PPP1R42: variants seen among roughly 807,000 people sequenced by gnomAD.
PPP1R42 encodes protein phosphatase 1 regulatory subunit 42.
Under a neutral mutation model 31.0 loss-of-function variants are expected in PPP1R42, and 34 were observed. That is an observed-to-expected ratio of 1.10 (90% CI 0.83 to 1.46). PPP1R42 has a LOEUF of 1.46. PPP1R42 is among the 40% of genes most tolerant of loss of function. The probability of loss-of-function intolerance (pLI) is 0.00; values close to 1 mark genes in which losing one functional copy is unlikely to be tolerated. For synonymous variants in PPP1R42, 103 were observed against 109.8 expected (o/e 0.94, Z 0.39); for missense variants, 268 against 303.0 (o/e 0.88, Z 0.86).
At chr8:66,973,718 T>G (rs1264137626) in intron 7 of PPP1R42, among the ~76,000 whole-genome samples, 5 of 152,208 alleles carry the variant, frequency 3.3e-5, no homozygotes, top group Non-Finnish European at 5.9e-5. Context: ...TGGCCGAAAC[T>G]TTATGCCCAT....
intron 2 of PPP1R42, 116 bp from the exon 3 acceptor site, chr8:67,014,708 G>T (rs1049414136): frequency 4.7e-6 from 3 of 634,546 alleles, no homozygotes; most frequent in Admixed American, 7.3e-5. Flanking sequence ...TAATATAAAA[G>T]AACAGTATTT....
chr8:66,994,353 C>T (rs993424873), intron 5 of PPP1R42, among the ~76,000 whole-genome samples: 1 of 152,132 alleles, frequency 6.6e-6, no homozygotes, highest in African/African-American at 2.4e-5. Context: ...GCTTATATTT[C>T]CTGGAAACCC....
Position 66,988,518 on chromosome 8 carries a change from C to T in PPP1R42, c.553-1G>A, listed in dbSNP as rs1485740980. On this transcript the variant is annotated splice_acceptor_variant, in intron 5 of 7. Transcript: ENST00000685739. LOFTEE classifies it high-confidence loss of function. ...ACTTGTTCAGTAAAAACTCCAAATC[C>T]TATAATTAGAGAAGAAAAAGCAAAG... 6.3e-7 allele frequency: 1 copy of T among 1,595,748 alleles called. No homozygotes were observed. Among genetic ancestry groups the T allele is most frequent in the African/African-American group, 1.4e-5 (1 of 73,696 alleles).
In PPP1R42 at chr8:67,019,837, G is replaced by A. The variant is rs1350367797; in HGVS notation, c.-84-2006C>T. ...TGGGAGGGGGAGCTTGTAGTGAGCCGAGATCACGCCACTGCACTCCAGCCT... is the reference window on the plus strand; with the variant it reads ...TGGGAGGGGGAGCTTGTAGTGAGCCAAGATCACGCCACTGCACTCCAGCCT... On this transcript the variant is annotated intron_variant, in intron 1 of 7. Transcript: ENST00000685739. 2.6e-5 allele frequency among the ~76,000 whole-genome samples: 4 copies of A among 151,232 alleles called. No homozygotes were observed. In the East Asian group the frequency reaches 6.0e-4, roughly 23 times the overall value.
intron 7 of PPP1R42, among the ~76,000 whole-genome samples, chr8:66,974,641 T>C (rs957181122): frequency 6.6e-6 from 1 of 152,186 alleles, no homozygotes; most frequent in Non-Finnish European, 1.5e-5. Flanking sequence ...ATTACTGACA[T>C]TGAGTATTTC....
At chr8:67,026,063 C>T (rs533594736) in intron 1 of PPP1R42, among the ~76,000 whole-genome samples, 14 of 150,470 alleles carry the variant, frequency 9.3e-5, no homozygotes, top group Admixed American at 6.6e-5. Context: ...TGGCCGGGCG[C>T]GGTGGCTCAT....
chr8:66,975,347 A>T (rs903098013), intron 7 of PPP1R42, among the ~76,000 whole-genome samples: 2 of 152,110 alleles, frequency 1.3e-5, no homozygotes, highest in Non-Finnish European at 2.9e-5. Flanking sequence ...TATCTATATG[A>T]CTTTAAACAT....
chr8:66,970,988 C>T lies in PPP1R42; in HGVS notation c.803-6654G>A, dbSNP rs7002796. On this transcript the variant is annotated intron_variant, in intron 7 of 7. Transcript: ENST00000685739. ...ATATTTGAAAGAACCTACCCCATCTCTTAAATAATTTTAGTGTAATCTTCT... is the reference window on the plus strand; with the variant it reads ...ATATTTGAAAGAACCTACCCCATCTTTTAAATAATTTTAGTGTAATCTTCT... The T allele has an allele frequency of 1.3e-4, 195 of 1,522,080 alleles. 2 individuals are homozygous for T. In the African/African-American group the frequency reaches 2.5e-3, roughly 19 times the overall value. The allele number at this position is 1,522,080 out of a possible 1,614,324, so 94.3% of individuals were successfully genotyped here.
chr8:67,022,154 A>G (rs559098069), intron 1 of PPP1R42, among the ~76,000 whole-genome samples: 2 of 152,192 alleles, frequency 1.3e-5, no homozygotes, highest in South Asian at 4.1e-4. Context: ...ACTGCTCTGC[A>G]CCATTGTTGG....
At position 66,982,157 on chromosome 8, in the gene PPP1R42, T is replaced by A. The variant is rs1018567547; in HGVS notation, c.694A>T (p.Lys232Ter). Residue 232 changes from lysine (K) to a stop codon, truncating the protein, a stop_gained, in exon 7 of 8, where the codon AAA becomes TAA. Transcript: ENST00000685739. LOFTEE classifies it high-confidence loss of function. Reference protein sequence around the residue: ...SLEFLDGKEIKNIERQFLMNW... With the variant: ...SLEFLDGKEI ...ATTAGGAATTGTCTTTCTATATTTT[T>A]AATTTCTTTTCCATCAAGAAATTCT... is the stretch of plus-strand genomic sequence containing the variant. 1.7e-5 allele frequency: 25 copies of A among 1,450,482 alleles called. No homozygotes were observed. The highest frequency in any genetic ancestry group is 1.4e-4 in the African/African-American group (10 of 69,098). 89.9% of individuals were successfully genotyped at this position (1,450,482 alleles called of 1,614,324 possible).
At chr8:67,010,950 G>A in intron 4 of PPP1R42, 119 bp from the exon 5 acceptor site, 1 of 897,604 alleles carries the variant, frequency 1.1e-6, no homozygotes, top group Non-Finnish European at 1.5e-6. Flanking sequence ...TTGTTCTTTA[G>A]GCAAAAACAT....
chr8:67,025,915 G>T, intron 1 of PPP1R42, among the ~76,000 whole-genome samples: 1 of 150,970 alleles, frequency 6.6e-6, no homozygotes, highest in South Asian at 2.1e-4. Flanking sequence ...TGAGGCAGAG[G>T]AATCGCTTGA....
chr8:66,972,877 G>A (rs143369482), intron 7 of PPP1R42, among the ~76,000 whole-genome samples: 1 of 152,154 alleles, frequency 6.6e-6, no homozygotes, highest in African/African-American at 2.4e-5. Flanking sequence ...TCTAAGTAGA[G>A]CATTATTGCT....
At chr8:67,018,374 T>C (rs1393520152) in intron 1 of PPP1R42, among the ~76,000 whole-genome samples, 1 of 151,942 alleles carries the variant, frequency 6.6e-6, no homozygotes, top group African/African-American at 2.4e-5. Flanking sequence ...CGCCTCGGCC[T>C]CCCAAAGTGC....
At chr8:66,978,883 A>G (rs1420125833) in intron 7 of PPP1R42, among the ~76,000 whole-genome samples, 1 of 151,906 alleles carries the variant, frequency 6.6e-6, no homozygotes, top group African/African-American at 2.4e-5. Flanking sequence ...GTCTGTTCAG[A>G]TCCTTTGCCC....
chr8:66,985,881 A>C, intron 6 of PPP1R42: 1 of 1,073,568 alleles, frequency 9.3e-7, no homozygotes, highest in Non-Finnish European at 1.4e-6. Context: ...ACCTTCTCAA[A>C]ATGGGGTATT....
In PPP1R42 at chr8:67,001,394, A is replaced by G. The variant is rs555699004; in HGVS notation, c.552+9321T>C. 2.7e-5 allele frequency among the ~76,000 whole-genome samples: 4 copies of G among 149,688 alleles called. No homozygotes were observed. The East Asian group carries it at 7.8e-4, about 29-fold the overall frequency. ...CCGGTCCTACTATCTCTGCCTTTTAATTGAACTATTTAAATTATTTACATT... is the reference window on the plus strand; with the variant it reads ...CCGGTCCTACTATCTCTGCCTTTTAGTTGAACTATTTAAATTATTTACATT... On this transcript the variant is annotated intron_variant, in intron 5 of 7. Transcript: ENST00000685739.
chr8:67,010,505 G>C, intron 5 of PPP1R42: 1 of 460,736 alleles, frequency 2.2e-6, no homozygotes, highest in South Asian at 2.8e-5. Flanking sequence ...GTTGGTGAGG[G>C]ATACAGGTAT....
At chr8:67,003,106 C>T (rs1237417671) in intron 5 of PPP1R42, among the ~76,000 whole-genome samples, 1 of 139,588 alleles carries the variant, frequency 7.2e-6, no homozygotes, top group South Asian at 2.2e-4. Context: ...GCGGAGGTTG[C>T]AGTGAGCTGA....
Sources: allele counts gnomAD v4.1 joint callset (sites outside exome capture counted in the v4.1 genomes callset), GRCh38; gene constraint gnomAD v4.1.1; transcripts MANE v1.5; gene names NCBI Gene and HGNC (gene_info 2026-07-23, HGNC 2026-07-21).